The following PER3 variants were observed in gnomAD, a reference collection of about 807,000 sequenced individuals.
PER3 encodes the protein period circadian regulator 3.
A neutral mutation model predicts 127.2 loss-of-function variants in PER3; 107 were observed. The ratio of observed to expected loss-of-function variants is 0.84; its 90% CI spans 0.72 to 0.99. The LOEUF (loss-of-function observed/expected upper bound fraction) is 0.99. PER3 is among the 50% of genes least tolerant of loss of function. The probability of loss-of-function intolerance (pLI) is 0.00; values close to 1 mark genes in which losing one functional copy is unlikely to be tolerated. For synonymous variants in PER3, 618 were observed against 585.8 expected, an observed-to-expected ratio of 1.05 and a Z score of -0.79; for missense variants, 1,560 against 1,525.8, an observed-to-expected ratio of 1.02 and a Z score of -0.37.
At chr1:7,789,758 G>A (rs977237949) in intron 5 of PER3, among the ~76,000 whole-genome samples, 1 of 152,008 alleles carries the variant, frequency 6.6e-6, no homozygotes, top group African/African-American at 2.4e-5. Flanking sequence ...TTTAATGAAG[G>A]GTAGCTTTGC....
intron 6 of PER3, among the ~76,000 whole-genome samples, chr1:7,795,276 C>T (rs959079453): frequency 1.6e-4 from 25 of 152,174 alleles, no homozygotes; most frequent in Admixed American, 1.2e-3. Flanking sequence ...GGCACTTTGT[C>T]AGTGCTGGGA....
Position 7,803,725 on chromosome 1 carries a change from A to G in PER3, c.1013A>G (p.His338Arg), listed in dbSNP as rs780101079. 5.6e-6 allele frequency: 9 copies of G among 1,608,842 alleles called. No homozygotes were observed. The African/African-American group carries it at 1.2e-4, about 21-fold the overall frequency. Reference sequence around the variant, plus strand: ...TATGCAGGGCATCCTCCCTTTGAACATTCTCCCATTCGATTTTGTACTCAA... The same window carrying G: ...TATGCAGGGCATCCTCCCTTTGAACGTTCTCCCATTCGATTTTGTACTCAA... ...LKYAGHPPFE[H>R]SPIRFCTQNG... is the part of the protein sequence containing the mutation. Residue 338 changes from histidine to arginine, a missense_variant, in exon 10 of 22, where the codon CAT (histidine) becomes CGT (arginine). By Grantham distance (29) the His-to-Arg change is conservative (BLOSUM62 0). Around this residue, in one of 3 missense-constraint regions of PER3, gnomAD observed 1,332 missense variants for 1,223.6 expected, o/e 1.09. Transcript: ENST00000377532.
intron 10 of PER3, among the ~76,000 whole-genome samples, chr1:7,807,586 T>G (rs1270609705): frequency 2.0e-5 from 3 of 152,212 alleles, no homozygotes; most frequent in Non-Finnish European, 2.9e-5. Context: ...AACTGCTGCT[T>G]CTCGGTTATG....
intron 14 of PER3, 150 bp downstream of exon 14, chr1:7,819,570 T>C (rs2097266384): frequency 4.4e-6 from 3 of 681,798 alleles, no homozygotes; most frequent in South Asian, 3.7e-5. Flanking sequence ...ACACATACGC[T>C]GAACATTTCA....
intron 10 of PER3, among the ~76,000 whole-genome samples, chr1:7,806,753 C>G (rs2097194286): frequency 1.4e-5 from 2 of 145,984 alleles, no homozygotes; most frequent in African/African-American, 5.1e-5. Flanking sequence ...AGAATTGCAC[C>G]ACTGCACTCC....
Position 7,784,902 on chromosome 1 carries a change from C to A in PER3, c.25C>A (p.Pro9Thr). Residue 9 changes from proline (P) to threonine (T), a missense_variant, in exon 2 of 22, where the codon CCC (proline) becomes ACC (threonine). By Grantham distance (38) the Pro-to-Thr change is conservative (BLOSUM62 -1). Coordinates refer to ENST00000377532, the MANE Select transcript of PER3 (RefSeq NM_001377275.1). ...GATGCCCCGCGGGGAAGCTCCTGGC[C>A]CCGGGAGACGGGGGGCTAAGGACGA... is the stretch of plus-strand genomic sequence containing the variant. MPRGEAPG[P>T]GRRGAKDEAL... 6.6e-7 allele frequency: 1 copy of A among 1,522,086 alleles called. No homozygotes were observed. The allele number at this position is 1,522,086 out of a possible 1,614,324, so 94.3% of individuals were successfully genotyped here.
At chr1:7,808,809 A>T (rs765635528) in intron 10 of PER3, 84 bp from the exon 11 acceptor site, 8 of 746,322 alleles carry the variant, frequency 1.1e-5, no homozygotes, top group South Asian at 8.0e-5. Context: ...AAAAGCATAG[A>T]TCTATTCTTG....
intron 2 of PER3, 59 bp from the exon 3 acceptor site, chr1:7,785,381 TA>T: frequency 7.2e-7 from 1 of 1,388,954 alleles, no homozygotes; most frequent in Non-Finnish European, 1.0e-6. Flanking sequence ...TTGTGTTCCC[TA>T]AGCCGCAAGA....
At chr1:7,791,890 A>G (rs567044682) in intron 5 of PER3, among the ~76,000 whole-genome samples, 10 of 152,296 alleles carry the variant, frequency 6.6e-5, no homozygotes, top group South Asian at 2.1e-4. Flanking sequence ...TTCATTGTCC[A>G]TATCACTATC....
chr1:7,790,436 T>G (rs1016619634), intron 5 of PER3, among the ~76,000 whole-genome samples: 1 of 152,168 alleles, frequency 6.6e-6, no homozygotes, highest in Non-Finnish European at 1.5e-5. Flanking sequence ...TGGGGGAAAC[T>G]GCCCCCATGA....
chr1:7,842,811 C>A lies in PER3; in HGVS notation c.*56C>A. On this transcript the variant is annotated 3_prime_UTR_variant, in exon 22 of 22. Transcript: ENST00000377532. ...TCCAAGACGTGTTACACAGACAGACCTTTTTAAGTCCTGGACTTTTAAATG... is the reference window on the plus strand; with the variant it reads ...TCCAAGACGTGTTACACAGACAGACATTTTTAAGTCCTGGACTTTTAAATG... 3 of 1,469,416 alleles carry A rather than the reference C, an allele frequency of 2.0e-6. No homozygotes were observed. The highest frequency in any genetic ancestry group is 2.8e-6 in the Non-Finnish European group (3 of 1,068,014). The allele number at this position is 1,469,416 out of a possible 1,614,324, so 91.0% of individuals were successfully genotyped here. A position where few individuals can be genotyped will look rare whatever the true frequency, so the allele number is the denominator to read the frequency against.
chr1:7,829,758 A>G, intron 18 of PER3, 76 bp from the exon 19 acceptor site: 1 of 1,264,372 alleles, frequency 7.9e-7, no homozygotes, highest in Non-Finnish European at 1.1e-6. Context: ...AGAAAGCAAA[A>G]CCATGAATAA....
rs538558944 is a variant in PER3 at position 7,822,294 on chromosome 1, C to A, written c.1957+1654C>A. ...TTTTTGAGAAGGAGTCTTGCTCTGT[C>A]ACCCAGGCTGGTGTGCAGTGGTGCG... On this transcript the variant is annotated intron_variant, in intron 16 of 21. Transcript: ENST00000377532. Among the ~76,000 whole-genome samples the A allele has an allele frequency of 4.0e-5, 6 of 150,736 alleles. No individual in the cohort carries two copies. The East Asian group carries it at 7.8e-4, about 20-fold the overall frequency.
intron 19 of PER3, among the ~76,000 whole-genome samples, chr1:7,833,614 T>A (rs1288286957): frequency 6.6e-6 from 1 of 152,252 alleles, no homozygotes; most frequent in African/African-American, 2.4e-5. Flanking sequence ...ACTTTCAACT[T>A]ATCTGTGTCT....
chr1:7,806,763 C>G lies in PER3; in HGVS notation c.1137-2130C>G, dbSNP rs560845782. ...GAGCCAGAATTGCACCACTGCACTCCAGGCTGGGCAGCAGAGCAAGACCCT... is the reference window on the plus strand; with the variant it reads ...GAGCCAGAATTGCACCACTGCACTCGAGGCTGGGCAGCAGAGCAAGACCCT... On this transcript the variant is annotated intron_variant, in intron 10 of 21. Transcript: ENST00000377532. 2.1e-5 allele frequency among the ~76,000 whole-genome samples: 3 copies of G among 142,976 alleles called. No individual in the cohort carries two copies. In the East Asian group the frequency reaches 6.3e-4, roughly 30 times the overall value. The allele number at this position is 142,976 out of a possible 152,430, so 93.8% of individuals were successfully genotyped here.
intron 10 of PER3, among the ~76,000 whole-genome samples, chr1:7,805,185 T>C (rs2097187600): frequency 6.6e-6 from 1 of 152,208 alleles, no homozygotes; most frequent in South Asian, 2.1e-4. Flanking sequence ...CCATTTTTAA[T>C]TGAACTCTAG....
Position 7,829,481 on chromosome 1 carries a change from A to G in PER3, c.2887-353A>G, listed in dbSNP as rs557037516. On this transcript the variant is annotated intron_variant, in intron 18 of 21. Coordinates refer to ENST00000377532, the MANE Select transcript of PER3 (RefSeq NM_001377275.1). Reference sequence around the variant, plus strand: ...CAATTGCTGGCATCACTCCTCTTGCACTTTGGGGCCATTATTAAGTAAAAT... The same window carrying G: ...CAATTGCTGGCATCACTCCTCTTGCGCTTTGGGGCCATTATTAAGTAAAAT... Among the ~76,000 whole-genome samples, 9 of 152,200 alleles carry G rather than the reference A, an allele frequency of 5.9e-5. No individual in the cohort carries two copies. The South Asian group carries it at 1.9e-3, about 32-fold the overall frequency.
chr1:7,832,835 A>C (rs1320653762), intron 19 of PER3, among the ~76,000 whole-genome samples: 1 of 148,582 alleles, frequency 6.7e-6, no homozygotes, highest in Non-Finnish European at 1.5e-5. Context: ...TGCATCCCTC[A>C]AATTTTTTTT....
At chr1:7,787,939 A>G (rs1236904396) in intron 4 of PER3, 106 bp from the exon 5 acceptor site, 1 of 792,882 alleles carries the variant, frequency 1.3e-6, no homozygotes, top group Non-Finnish European at 2.1e-6. Context: ...GTGCCTGTGT[A>G]TTTTAAGATA....
Sources: allele counts gnomAD v4.1 joint callset (sites outside exome capture counted in the v4.1 genomes callset), GRCh38; gene constraint gnomAD v4.1.1; regional missense constraint gnomAD v4.1.1; transcripts MANE v1.5; gene names NCBI Gene and HGNC (gene_info 2026-07-23, HGNC 2026-07-21).